Variants in FLG observed in about 807,000 individuals in gnomAD.
FLG encodes the protein epidermal filaggrin.
A neutral mutation model predicts 3.8 loss-of-function variants in FLG; 6 were observed. The ratio of observed to expected loss-of-function variants is 1.60; its 90% CI spans 0.87 to 3.15. FLG has a LOEUF of 3.15. Ranked by LOEUF, FLG falls within the 30% of genes most tolerant of loss-of-function variation. The pLI is 0.00. For missense variants in FLG, 7,595 were observed against 5,050.9 expected (o/e 1.50, Z -15.27); for synonymous variants, 2,551 against 1,931.6 (o/e 1.32, Z -8.41).
rs553373171 is a variant in FLG, at chr1:152,303,299, C to T, written c.11587G>A (p.Val3863Ile). The change falls in exon 3 of 3, where the codon GTT becomes ATT. Residue 3863 changes from valine (V) to isoleucine (I), a missense_variant. Val to Ile is a conservative substitution (Grantham distance 29). Transcript: ENST00000368799. ...SRRSRRQGSS[V>I]SQDSDSEAYP... ...GCCTCACTGTCACTGTCCTGGCTAACACTGGATCCCTGGCGCCTGCTTCTC... is the reference window on the plus strand; with the variant it reads ...GCCTCACTGTCACTGTCCTGGCTAATACTGGATCCCTGGCGCCTGCTTCTC... 5 of 1,614,140 alleles carry T rather than the reference C, an allele frequency of 3.1e-6. No individual in the cohort carries two copies. In the Admixed American group the frequency reaches 5.0e-5, roughly 16 times the overall value.
chr1:152,309,039 C>T lies in FLG; in HGVS notation c.5847G>A (p.Gln1949=). The T allele has an allele frequency of 6.2e-7, 1 of 1,614,208 alleles. No individual in the cohort carries two copies. The highest frequency in any genetic ancestry group is 2.2e-5 in the East Asian group (1 of 44,884). ...CAGGGTGTCTGGAGCCATCTCTTGACTGCTCCCAAGCAGATCCAAGATGGT... is the reference window on the plus strand; with the variant it reads ...CAGGGTGTCTGGAGCCATCTCTTGATTGCTCCCAAGCAGATCCAAGATGGT... ...SRNHLGSAWE[Q]SRDGSRHPGS... is the part of the protein sequence containing the mutation. Residue 1949 remains glutamine, a synonymous_variant, in exon 3 of 3, where the codon CAG becomes CAA. Coordinates refer to ENST00000368799, the MANE Select transcript of FLG (RefSeq NM_002016.2).
rs1557874552 is a variant in FLG at position 152,307,722 on chromosome 1, CT to C, written c.7163del (p.Gln2388ArgfsTer31). The C allele has an allele frequency of 6.2e-7, 1 of 1,613,484 alleles. No homozygotes were observed. The highest frequency in any genetic ancestry group is 2.2e-5 in the East Asian group (1 of 44,840). ...GGTGGCTCTGCTGATGGGGCCCAGC[CT>C]GTCCGTGGGCTGACACTGACTGTGT... ...SDTQSVSAHG[Q>X]AGPHQQSHQE... On this transcript the variant is annotated frameshift_variant, in exon 3 of 3. Coordinates refer to ENST00000368799, the MANE Select transcript of FLG (RefSeq NM_002016.2). LOFTEE classifies it low-confidence loss of function (END_TRUNC).
At chr1:152,317,383 TTTTC>T (rs1244710389) in intron 1 of FLG, among the ~76,000 whole-genome samples, 3 of 152,074 alleles carry the variant, frequency 2.0e-5, no homozygotes, top group African/African-American at 7.2e-5. Flanking sequence ...CTCAAGGTAT[TTTTC>T]TTTCTAAAAA....
rs769667171 is a variant in FLG at position 152,303,094 on chromosome 1, A to G, written c.11792T>C (p.Phe3931Ser). 6.2e-7 allele frequency: 1 copy of G among 1,614,150 alleles called. No homozygotes were observed. Among genetic ancestry groups the G allele is most frequent in the Non-Finnish European group, 8.5e-7 (1 of 1,180,034 alleles). The change falls in exon 3 of 3, where the codon TTT becomes TCT. Residue 3931 changes from phenylalanine (F) to serine (S), a missense_variant. Physicochemically the swap from Phe to Ser is radical, Grantham distance 155 (BLOSUM62 -2). Transcript: ENST00000368799. ...CGCAGAATCTTGTGAAAGACTACTA[A>G]AGTGACCATGTTCCTTAGCGGTACT... ...DSSTAKEHGHFSSLSQDSAYH... is the reference protein window; with the variant it reads ...DSSTAKEHGHSSSLSQDSAYH...
rs1229675123 is a variant in FLG at position 152,310,212 on chromosome 1, C to T, written c.4674G>A (p.Gly1558=). The T allele has an allele frequency of 1.2e-6, 2 of 1,613,780 alleles. No individual in the cohort carries two copies. The highest frequency in any genetic ancestry group is 1.1e-5 in the South Asian group (1 of 91,054). The change falls in exon 3 of 3, where the codon GGG becomes GGA. Residue 1558 remains glycine (G), a synonymous_variant. Coordinates refer to ENST00000368799, the MANE Select transcript of FLG (RefSeq NM_002016.2). ...EQSGDGSRHS[G]SRHHEPSTRA... is the part of the protein sequence containing the mutation. ...GAGTGGAAGGTTCATGGTGACGTGA[C>T]CCTGAGTGCCTGGAGCCGTCTCCTG...
In FLG at chr1:152,309,789, G is replaced by A; in HGVS notation, c.5097C>T (p.Arg1699=). ...CTCCGACTACAGATGAATCTTGTCT[G>A]CGCCCAGTGCCTGAGTCTGTGGAGC... ...ADSSTDSGTG[R]RQDSSVVGDS... is the part of the protein sequence containing the mutation. The change falls in exon 3 of 3, where the codon CGC becomes CGT. Residue 1699 remains arginine (R), a synonymous_variant. Transcript: ENST00000368799. 1.2e-6 allele frequency: 2 copies of A among 1,613,932 alleles called. No homozygotes were observed. Among genetic ancestry groups the A allele is most frequent in the Non-Finnish European group, 1.7e-6 (2 of 1,179,988 alleles).
In FLG at chr1:152,309,049, G is replaced by T. The variant is rs774117765; in HGVS notation, c.5837C>A (p.Ala1946Asp). ...GGAGCCATCTCTTGACTGCTCCCAA[G>T]CAGATCCAAGATGGTTTCTGGAAGC... ...GSASRNHLGS[A>D]WEQSRDGSRH... The change falls in exon 3 of 3, where the codon GCT (alanine) becomes GAT (aspartate). Residue 1946 changes from alanine (A) to aspartate (D), a missense_variant. Transcript: ENST00000368799. 2 of 1,614,154 alleles carry T rather than the reference G, an allele frequency of 1.2e-6. No homozygotes were observed. Among genetic ancestry groups the T allele is most frequent in the Non-Finnish European group, 1.7e-6 (2 of 1,180,020 alleles).
In FLG at chr1:152,304,244, G is replaced by T; in HGVS notation, c.10642C>A (p.His3548Asn). 1 of 1,613,174 alleles carries T rather than the reference G, an allele frequency of 6.2e-7. No individual in the cohort carries two copies. Among genetic ancestry groups the T allele is most frequent in the Non-Finnish European group, 8.5e-7 (1 of 1,179,712 alleles). Residue 3548 changes from histidine (H) to asparagine (N), a missense_variant, in exon 3 of 3, where the codon CAC becomes AAC. By Grantham distance (68) the His-to-Asn change is moderately conservative. Coordinates refer to ENST00000368799, the MANE Select transcript of FLG (RefSeq NM_002016.2). ...GACCACCTCTCAGAGTCTTCTGAGT[G>T]TCCCTGACTGTCACTGTCCTGGCTA... ...SVSQDSDSQG[H>N]SEDSERWSGS...
rs757741062 is a variant in FLG at position 152,311,181 on chromosome 1, T to C, written c.3705A>G (p.Ser1235=). Residue 1235 remains serine, a synonymous_variant, in exon 3 of 3, where the codon TCA becomes TCG. Transcript: ENST00000368799. ...CCCAAGAGGCAGCTTCATGGTGACG[T>C]GACCCTGAGTGCCTGGAGCCGTCTC... ...QSGDGSRHSG[S]RHHEAASWAD... The C allele has an allele frequency of 3.3e-5, 53 of 1,613,526 alleles. No homozygotes were observed. The South Asian group carries it at 4.2e-4, about 13-fold the overall frequency.
chr1:152,305,258 G>A lies in FLG; in HGVS notation c.9628C>T (p.Arg3210Cys), dbSNP rs571141981. 72 of 1,612,444 alleles carry A rather than the reference G, an allele frequency of 4.5e-5. No individual in the cohort carries two copies. The highest frequency in any genetic ancestry group is 2.2e-4 in the East Asian group (10 of 44,630). The change falls in exon 3 of 3, where the codon CGC becomes TGC. Residue 3210 changes from arginine to cysteine, a missense_variant. Physicochemically the swap from Arg to Cys is radical, Grantham distance 180 (BLOSUM62 -3). Transcript: ENST00000368799. ...TCCTGGCTCACACTGGATCCCTGGC[G>A]CCTGCTTCTCCTGGACCCCTCTGAT... ...GQSEGSRRSRRQGSSVSQDSD... is the reference protein window; with the variant it reads ...GQSEGSRRSRCQGSSVSQDSD...
In FLG at chr1:152,304,407, T is replaced by C. The variant is rs1651799338; in HGVS notation, c.10479A>G (p.Glu3493=). The C allele has an allele frequency of 6.2e-7, 1 of 1,611,558 alleles. No homozygotes were observed. The highest frequency in any genetic ancestry group is 1.1e-5 in the South Asian group (1 of 90,500). ...RSASRQTRND[E]QSGDGSRHSW... ...AGTGCCTGGAGCCATCTCCTGATTG[T>C]TCGTCATTACGAGTTTGTCTGCTGG... Residue 3493 remains glutamate (E), a synonymous_variant, in exon 3 of 3, where the codon GAA becomes GAG. Coordinates refer to ENST00000368799, the MANE Select transcript of FLG (RefSeq NM_002016.2).
Position 152,308,815 on chromosome 1 carries a change from T to A in FLG, c.6071A>T (p.His2024Leu), listed in dbSNP as rs1652170990. The A allele has an allele frequency of 3.1e-6, 5 of 1,614,190 alleles. No homozygotes were observed. The highest frequency in any genetic ancestry group is 3.4e-6 in the Non-Finnish European group (4 of 1,180,026). Residue 2024 changes from histidine to leucine, a missense_variant, in exon 3 of 3, where the codon CAT becomes CTT. By Grantham distance (99) the His-to-Leu change is moderately conservative. Coordinates refer to ENST00000368799, the MANE Select transcript of FLG (RefSeq NM_002016.2). ...TCTGACTGCAGATGAAGCTTGTCCA[T>A]GCCCAATGCCTGAGTGTCTGGAGCT... is the stretch of plus-strand genomic sequence containing the variant. ...ADSSRHSGIG[H>L]GQASSAVRDS...
At position 152,304,087 on chromosome 1, in the gene FLG, G is replaced by A. The variant is rs149031473; in HGVS notation, c.10799C>T (p.Thr3600Ile). The change falls in exon 3 of 3, where the codon ACT becomes ATT. Residue 3600 changes from threonine (T) to isoleucine (I), a missense_variant. Transcript: ENST00000368799. ...HSAESSRQSGTHHAENSSGGQ... is the reference protein window; with the variant it reads ...HSAESSRQSGIHHAENSSGGQ... ...ACCAGAGGAATTCTCTGCATGATGA[G>A]TGCCTGATTGTCTGGAGCTCTCTGC... 1 of 1,611,144 alleles carries A rather than the reference G, an allele frequency of 6.2e-7. No homozygotes were observed. Among genetic ancestry groups the A allele is most frequent in the Non-Finnish European group, 8.5e-7 (1 of 1,179,730 alleles).
chr1:152,310,458 G>A lies in FLG; in HGVS notation c.4428C>T (p.Ser1476=). ...CGTCTTGGGATGCTGAGTGCCTAGA[G>A]CTGTTTCGTGCCTGCTCATGGCGGG... ...QGSRHEQARN[S]SRHSASQDGQ... The change falls in exon 3 of 3, where the codon AGC becomes AGT. Residue 1476 remains serine, a synonymous_variant. Transcript: ENST00000368799. 6.2e-7 allele frequency: 1 copy of A among 1,613,664 alleles called. No homozygotes were observed. The highest frequency in any genetic ancestry group is 8.5e-7 in the Non-Finnish European group (1 of 1,179,802).
chr1:152,303,250 C>T lies in FLG; in HGVS notation c.11636G>A (p.Arg3879Gln), dbSNP rs763082025. 9 of 1,614,002 alleles carry T rather than the reference C, an allele frequency of 5.6e-6. No homozygotes were observed. Among genetic ancestry groups the T allele is most frequent in the East Asian group, 2.2e-5 (1 of 44,864 alleles). ...SEAYPEDSERRSESASRNHHG... is the reference protein window; with the variant it reads ...SEAYPEDSERQSESASRNHHG... ...ATGGTTTCTGGAAGCAGACTCAGAT[C>T]GCCTCTCAGAGTCCTCTGGGTATGC... The change falls in exon 3 of 3, where the codon CGA becomes CAA. Residue 3879 changes from arginine to glutamine, a missense_variant. Coordinates refer to ENST00000368799, the MANE Select transcript of FLG (RefSeq NM_002016.2).
In FLG at chr1:152,312,943, G is replaced by C. The variant is rs749857360; in HGVS notation, c.1943C>G (p.Ser648Cys). ...GCCATCTCTTGACTGCTCCTGAGCA[G>C]ATCCATGATGGTTTCTGGAAGCAGA... ...SGSASRNHHG[S>C]AQEQSRDGSR... Residue 648 changes from serine to cysteine, a missense_variant, in exon 3 of 3, where the codon TCT becomes TGT. By Grantham distance (112) the Ser-to-Cys change is moderately radical (BLOSUM62 -1). Transcript: ENST00000368799. The C allele has an allele frequency of 9.3e-6, 15 of 1,614,044 alleles. No homozygotes were observed. Among genetic ancestry groups the C allele is most frequent in the Middle Eastern group, 3.3e-4 (2 of 6,062 alleles).
chr1:152,304,303 C>A lies in FLG; in HGVS notation c.10583G>T (p.Gly3528Val). Residue 3528 changes from glycine (G) to valine (V), a missense_variant, in exon 3 of 3, where the codon GGG becomes GTG. Gly to Val is a moderately radical substitution (Grantham distance 109, BLOSUM62 -3). Coordinates refer to ENST00000368799, the MANE Select transcript of FLG (RefSeq NM_002016.2). ...HSQSGQGQSA[G>V]PRTSRNQGSS... ...TCCCTGGTTCCTGCTTGTCCTGGGCCCCGCTGATTGTCCCTGGCCGGACTG... is the reference window on the plus strand; with the variant it reads ...TCCCTGGTTCCTGCTTGTCCTGGGCACCGCTGATTGTCCCTGGCCGGACTG... 1.9e-6 allele frequency: 3 copies of A among 1,612,272 alleles called. No homozygotes were observed. Among genetic ancestry groups the A allele is most frequent in the South Asian group, 1.1e-5 (1 of 90,770 alleles).
chr1:152,311,804 T>G lies in FLG; in HGVS notation c.3082A>C (p.Ser1028Arg), dbSNP rs1281455928. 7 of 1,614,000 alleles carry G rather than the reference T, an allele frequency of 4.3e-6. No individual in the cohort carries two copies. In the South Asian group the frequency reaches 6.6e-5, roughly 15 times the overall value. The change falls in exon 3 of 3, where the codon AGT (serine) becomes CGT (arginine). Residue 1028 changes from serine to arginine, a missense_variant. By Grantham distance (110) the Ser-to-Arg change is moderately radical. Transcript: ENST00000368799. ...AASSHEQARS[S>R]PGERHGSRHQ... is the part of the protein sequence containing the mutation. ...CGGGATCCGTGTCTTTCTCCTGGAC[T>G]TGATCTTGCCTGTTCATGGGATGAC...
rs76471961 is a variant in FLG, at chr1:152,308,097, C to T, written c.6789G>A (p.Ala2263=). The T allele has an allele frequency of 0.019, 30,670 of 1,584,176 alleles. 367 individuals carry two copies. The highest frequency in any genetic ancestry group is 0.024 in the Middle Eastern group (144 of 5,884). Reference sequence around the variant, plus strand: ...GAGCAGATCCATGATGGTTTCTGGACGCAGACCCAGACCGCCTCTCAGAAT... The same window carrying T: ...GAGCAGATCCATGATGGTTTCTGGATGCAGACCCAGACCGCCTCTCAGAAT... ...SEDSERRSGS[A]SRNHHGSAQE... The change falls in exon 3 of 3, where the codon GCG becomes GCA. Residue 2263 remains alanine (A), a synonymous_variant. Coordinates refer to ENST00000368799, the MANE Select transcript of FLG (RefSeq NM_002016.2).
Sources: allele counts gnomAD v4.1 joint callset (sites outside exome capture counted in the v4.1 genomes callset), GRCh38; gene constraint gnomAD v4.1.1; transcripts MANE v1.5; gene names NCBI Gene and HGNC (gene_info 2026-07-23, HGNC 2026-07-21).